Variants in ESR1 observed in about 807,000 individuals in gnomAD.
The protein encoded by ESR1 is estrogen receptor 1, also known as estrogen receptor.
In ESR1, 12 loss-of-function variants were observed where a neutral mutation model predicts 52.7. The observed-to-expected ratio is 0.23, with a 90% CI of 0.15 to 0.37. The LOEUF is 0.37. Among genes scored for constraint, ESR1 ranks in the 10% least tolerant of loss-of-function variants. The pLI is 1.00. For synonymous variants in ESR1, 305 were observed against 316.8 expected, an observed-to-expected ratio of 0.96 and a Z score of 0.39; for missense variants, 584 against 779.7, an observed-to-expected ratio of 0.75 and a Z score of 2.99.
intron 1 of ESR1, among the ~76,000 whole-genome samples, chr6:151,667,268 T>C (rs1200109139): frequency 6.6e-6 from 1 of 152,242 alleles, no homozygotes; most frequent in Non-Finnish European, 1.5e-5. Flanking sequence ...AAATTGTTTT[T>C]TATTAGTTTC....
At chr6:152,007,268 C>T (rs1269664067) in intron 4 of ESR1, among the ~76,000 whole-genome samples, 8 of 151,880 alleles carry the variant, frequency 5.3e-5, no homozygotes, top group African/African-American at 1.7e-4. Flanking sequence ...AGGCCTGGGG[C>T]AGGGAGGTGG....
At position 152,069,410 on chromosome 6, in the gene ESR1, G is replaced by T. The variant is rs546451740; in HGVS notation, c.1369+8286G>T. Among the ~76,000 whole-genome samples, 7 of 136,210 alleles carry T rather than the reference G, an allele frequency of 5.1e-5. 2 individuals carry two copies. In the East Asian group the frequency reaches 1.2e-3, roughly 23 times the overall value. The allele number at this position is 136,210 out of a possible 152,430, so 89.4% of individuals were successfully genotyped here. ...TATCTCAAAATGGCAAACTTGAGGGGTTTTTTTTAGCATCAAAGATGTTAT... is the reference window on the plus strand; with the variant it reads ...TATCTCAAAATGGCAAACTTGAGGGTTTTTTTTTAGCATCAAAGATGTTAT... On this transcript the variant is annotated intron_variant, in intron 6 of 7. Transcript: ENST00000206249.
At chr6:151,746,958 A>T (rs1462534676) in intron 2 of ESR1, among the ~76,000 whole-genome samples, 1 of 152,252 alleles carries the variant, frequency 6.6e-6, no homozygotes, top group African/African-American at 2.4e-5. Context: ...CCGGAATGAC[A>T]TCTGGCAGGG....
intron 2 of ESR1, among the ~76,000 whole-genome samples, chr6:151,773,264 C>A (rs970173814): frequency 6.6e-6 from 1 of 152,212 alleles, no homozygotes; most frequent in African/African-American, 2.4e-5. Context: ...AGCAAACCCC[C>A]AGAAGCTACA....
At chr6:151,718,474 T>C (rs1454932063) in intron 2 of ESR1, among the ~76,000 whole-genome samples, 1 of 152,222 alleles carries the variant, frequency 6.6e-6, no homozygotes, top group Non-Finnish European at 1.5e-5. Flanking sequence ...AAACCATGCA[T>C]GAGATTTTTC....
intron 1 of ESR1, among the ~76,000 whole-genome samples, chr6:151,838,558 C>T (rs913099940): frequency 6.6e-6 from 1 of 152,194 alleles, no homozygotes; most frequent in African/African-American, 2.4e-5. Flanking sequence ...TTATCTTGAT[C>T]TGATGGATAC....
At chr6:151,826,560 C>G (rs187264046) in intron 1 of ESR1, among the ~76,000 whole-genome samples, 103 of 152,272 alleles carry the variant, frequency 6.8e-4, no homozygotes, top group African/African-American at 2.3e-3. Flanking sequence ...TGTTGACTTC[C>G]TAGGCACCAC....
intron 4 of ESR1, among the ~76,000 whole-genome samples, chr6:151,961,287 A>G (rs1470317226): frequency 6.6e-6 from 1 of 152,238 alleles, no homozygotes; most frequent in Non-Finnish European, 1.5e-5. Flanking sequence ...AATCCATCTC[A>G]CTGTGGCATC....
chr6:152,054,559 C>T (rs971862643), intron 5 of ESR1, among the ~76,000 whole-genome samples: 3 of 152,110 alleles, frequency 2.0e-5, no homozygotes, highest in East Asian at 1.9e-4. Flanking sequence ...AAAGTGTTTA[C>T]GTGATCGTGT....
rs570433228 is a variant in ESR1 at position 151,977,981 on chromosome 6, A to G, written c.1096+33473A>G. The stretch of plus-strand genomic sequence containing the variant: ...AAAAAAAGAAAAAAAAAAAAAAAAC[A>G]AGGAAAGAGAGGGACAATAGAATCA... On this transcript the variant is annotated intron_variant, in intron 4 of 7. Transcript: ENST00000206249. 2.8e-3 allele frequency among the ~76,000 whole-genome samples: 336 copies of G among 120,918 alleles called. 1 individual carries two copies. Among genetic ancestry groups the G allele is most frequent in the Middle Eastern group, 5.0e-3 (1 of 200 alleles). 79.3% of individuals were successfully genotyped at this position (120,918 alleles called of 152,430 possible).
chr6:151,823,238 T>C (rs1219274121), intron 1 of ESR1, among the ~76,000 whole-genome samples: 1 of 152,164 alleles, frequency 6.6e-6, no homozygotes. Context: ...GGCTGGAGGT[T>C]TTCTGTTATG....
chr6:151,761,860 C>A (rs915400629), intron 2 of ESR1, among the ~76,000 whole-genome samples: 2 of 152,186 alleles, frequency 1.3e-5, no homozygotes, highest in African/African-American at 2.4e-5. Context: ...GGCCGGGCCC[C>A]ACCCTCAGAA....
intron 1 of ESR1, among the ~76,000 whole-genome samples, chr6:151,679,650 C>A (rs1031380268): frequency 6.6e-6 from 1 of 152,306 alleles, no homozygotes; most frequent in Non-Finnish European, 1.5e-5. Flanking sequence ...AAAAGCCAAC[C>A]CCTTTTGGCT....
intron 6 of ESR1, among the ~76,000 whole-genome samples, chr6:152,081,952 A>T (rs141838724): frequency 6.6e-6 from 1 of 152,154 alleles, no homozygotes; most frequent in African/African-American, 2.4e-5. Context: ...GAAGACACCA[A>T]TAACAGGTAC....
chr6:151,985,525 AAAAAAAAACAC>A (rs1295377922), intron 4 of ESR1, among the ~76,000 whole-genome samples: 10 of 140,148 alleles, frequency 7.1e-5, no homozygotes, highest in South Asian at 2.3e-4. Flanking sequence ...AAAAAAAAAA[AAAAAAAAACAC>A]AAACAAAAAA....
chr6:151,908,218 A>G (rs980196908), intron 3 of ESR1, among the ~76,000 whole-genome samples: 5 of 152,170 alleles, frequency 3.3e-5, no homozygotes, highest in Non-Finnish European at 7.4e-5. Context: ...TTTCATTTTT[A>G]GAAATCTTTC....
chr6:151,673,837 A>G (rs1182686600), intron 1 of ESR1, among the ~76,000 whole-genome samples: 1 of 152,076 alleles, frequency 6.6e-6, no homozygotes, highest in Non-Finnish European at 1.5e-5. Flanking sequence ...AGCCATGATT[A>G]TGGCATTGTA....
chr6:151,808,340 A>G lies in ESR1; in HGVS notation c.428A>G (p.Glu143Gly), dbSNP rs1458898787. ...ENEPSGYTVR[E>G]AGPPAFYRPN... ...GAGCCCAGCGGCTACACGGTGCGCG[A>G]GGCCGGCCCGCCGGCATTCTACAGG... Residue 143 changes from glutamate to glycine, a missense_variant, in exon 1 of 8, where the codon GAG becomes GGG. Glu to Gly is a moderately conservative substitution (Grantham distance 98, BLOSUM62 -2). Around this residue, in one of 6 missense-constraint regions of ESR1, gnomAD observed 251 missense variants for 246.1 expected, o/e 1.02. Coordinates refer to ENST00000206249, the MANE Select transcript of ESR1 (RefSeq NM_000125.4). The G allele has an allele frequency of 4.4e-6, 6 of 1,376,290 alleles. No homozygotes were observed. Among genetic ancestry groups the G allele is most frequent in the Non-Finnish European group, 4.8e-6 (5 of 1,046,644 alleles). 85.3% of individuals were successfully genotyped at this position (1,376,290 alleles called of 1,614,324 possible). A position where few individuals can be genotyped will look rare whatever the true frequency, so the allele number is the denominator to read the frequency against.
intron 3 of ESR1, among the ~76,000 whole-genome samples, chr6:151,921,746 G>A (rs938029135): frequency 1.3e-5 from 2 of 152,134 alleles, no homozygotes; most frequent in Non-Finnish European, 2.9e-5. Flanking sequence ...CTTTTGAAAA[G>A]TGTCTGTTCA....
Sources: gnomAD v4.1 joint callset for allele counts (sites outside exome capture counted in the v4.1 genomes callset) on GRCh38, gnomAD v4.1.1 for gene constraint, gnomAD v4.1.1 regional missense constraint, MANE v1.5 for transcripts, NCBI Gene and HGNC (gene_info 2026-07-23, HGNC 2026-07-21) for gene names.